The following OXR1 variants were observed in gnomAD, a reference collection of about 807,000 sequenced individuals.
OXR1 encodes the protein oxidation resistance protein 1.
A neutral mutation model predicts 104.6 loss-of-function variants in OXR1; 41 were observed. The ratio of observed to expected loss-of-function variants is 0.39; its 90% CI spans 0.31 to 0.51. The LOEUF (loss-of-function observed/expected upper bound fraction) is 0.51. Among genes scored for constraint, OXR1 ranks in the 20% least tolerant of loss-of-function variants. The pLI is 0.77. For missense variants in OXR1, 955 were observed against 1,031.9 expected (o/e 0.93, Z 1.02); for synonymous variants, 348 against 348.4 (o/e 1.00, Z 0.01).
chr8:106,591,869 C>T (rs1819120549), intron 3 of OXR1, among the ~76,000 whole-genome samples: 3 of 152,198 alleles, frequency 2.0e-5, no homozygotes, highest in Admixed American at 2.0e-4. Flanking sequence ...GATGTAATAA[C>T]TTGATGGGAA....
At chr8:106,315,185 T>G (rs956833587) in intron 1 of OXR1, among the ~76,000 whole-genome samples, 3 of 152,244 alleles carry the variant, frequency 2.0e-5, no homozygotes, top group African/African-American at 7.2e-5. Flanking sequence ...TTTGTTTGTT[T>G]GTTTTTGTTT....
chr8:106,504,698 T>C (rs1812041119), intron 2 of OXR1, among the ~76,000 whole-genome samples: 1 of 152,130 alleles, frequency 6.6e-6, no homozygotes, highest in African/African-American at 2.4e-5. Flanking sequence ...CTTTTTGTTA[T>C]CATCAGATTT....
intron 1 of OXR1, among the ~76,000 whole-genome samples, chr8:106,288,701 ATT>A (rs1812613407): frequency 8.1e-6 from 1 of 123,154 alleles, no homozygotes; most frequent in Non-Finnish European, 1.7e-5. Flanking sequence ...AAATTTATAT[ATT>A]TATATATTAT....
chr8:106,347,646 A>G (rs1430795312), intron 1 of OXR1, among the ~76,000 whole-genome samples: 1 of 152,206 alleles, frequency 6.6e-6, no homozygotes, highest in Non-Finnish European at 1.5e-5. Flanking sequence ...TAAAAGCCAG[A>G]TCAAATAAGT....
chr8:106,469,222 T>A (rs1821354154), intron 2 of OXR1, among the ~76,000 whole-genome samples: 1 of 151,826 alleles, frequency 6.6e-6, no homozygotes, highest in Non-Finnish European at 1.5e-5. Context: ...TTCTTGCCTA[T>A]AGACTTTCTC....
intron 2 of OXR1, among the ~76,000 whole-genome samples, chr8:106,493,845 G>C (rs1811254576): frequency 6.6e-6 from 1 of 152,172 alleles, no homozygotes; most frequent in Admixed American, 6.6e-5. Context: ...AAATAGCTCT[G>C]TGAAGCAGTG....
At chr8:106,466,305 T>G (rs1821166403) in intron 2 of OXR1, among the ~76,000 whole-genome samples, 1 of 151,934 alleles carries the variant, frequency 6.6e-6, no homozygotes, top group Non-Finnish European at 1.5e-5. Flanking sequence ...AAGGAAATAT[T>G]AATATTATTG....
intron 2 of OXR1, among the ~76,000 whole-genome samples, chr8:106,487,678 T>G (rs1055954952): frequency 1.3e-5 from 2 of 148,914 alleles, no homozygotes; most frequent in Admixed American, 1.4e-4. Flanking sequence ...CGGTGTTTGG[T>G]TTTTTGTTCT....
At chr8:106,347,208 A>G (rs562425925) in intron 1 of OXR1, among the ~76,000 whole-genome samples, 20 of 152,354 alleles carry the variant, frequency 1.3e-4, no homozygotes, top group African/African-American at 4.3e-4. Context: ...ATCACGTTGT[A>G]TATTTTCCAA....
chr8:106,614,597 AGATT>A (rs1462012125), intron 3 of OXR1, among the ~76,000 whole-genome samples: 1 of 152,202 alleles, frequency 6.6e-6, no homozygotes, highest in African/African-American at 2.4e-5. Flanking sequence ...CACAATTATA[AGATT>A]GATTTCGTTT....
intron 11 of OXR1, among the ~76,000 whole-genome samples, chr8:106,715,745 T>C (rs1832180118): frequency 6.6e-6 from 1 of 152,134 alleles, no homozygotes; most frequent in Non-Finnish European, 1.5e-5. Context: ...GTTGGAGTAC[T>C]TAACTTTGGA....
At chr8:106,641,217 T>C (rs1480043630) in intron 3 of OXR1, among the ~76,000 whole-genome samples, 4 of 152,224 alleles carry the variant, frequency 2.6e-5, no homozygotes, top group Admixed American at 6.5e-5. Flanking sequence ...TCTGTGCCAA[T>C]TGAAGCTAAG....
chr8:106,595,247 T>C (rs1275370407), intron 3 of OXR1, among the ~76,000 whole-genome samples: 2 of 152,154 alleles, frequency 1.3e-5, no homozygotes, highest in South Asian at 2.1e-4. Context: ...AGAAGTATCA[T>C]TTCTCCTTAA....
chr8:106,324,507 A>T (rs978701823), intron 1 of OXR1, among the ~76,000 whole-genome samples: 1 of 151,552 alleles, frequency 6.6e-6, no homozygotes, highest in African/African-American at 2.4e-5. Flanking sequence ...CCCAAACCTA[A>T]AATATTTTTT....
chr8:106,719,727 A>G (rs1212594332), intron 11 of OXR1, among the ~76,000 whole-genome samples: 1 of 152,188 alleles, frequency 6.6e-6, no homozygotes, highest in Non-Finnish European at 1.5e-5. Flanking sequence ...TACCACTTGA[A>G]TGATTGATAG....
chr8:106,481,366 G>T (rs559435505), intron 2 of OXR1, among the ~76,000 whole-genome samples: 4 of 152,060 alleles, frequency 2.6e-5, no homozygotes, highest in Middle Eastern at 3.4e-3. Context: ...ATAAAGAGAG[G>T]CTGACTCTCA....
At chr8:106,438,979 G>A (rs1819681384) in intron 2 of OXR1, among the ~76,000 whole-genome samples, 1 of 152,108 alleles carries the variant, frequency 6.6e-6, no homozygotes, top group Non-Finnish European at 1.5e-5. Context: ...CATGAAAGGT[G>A]CTTAGAACCT....
intron 2 of OXR1, among the ~76,000 whole-genome samples, chr8:106,448,381 C>A (rs754253397): frequency 2.6e-5 from 4 of 152,024 alleles, no homozygotes; most frequent in Non-Finnish European, 5.9e-5. Flanking sequence ...AGCTCGGCAC[C>A]ACCTATCGTT....
chr8:106,627,504 C>T (rs908391641), intron 3 of OXR1, among the ~76,000 whole-genome samples: 2 of 152,024 alleles, frequency 1.3e-5, no homozygotes, highest in African/African-American at 4.8e-5. Flanking sequence ...TGTTTTACAT[C>T]AATTCTATTA....
Sources: allele counts gnomAD v4.1 joint callset (sites outside exome capture counted in the v4.1 genomes callset), GRCh38; gene constraint gnomAD v4.1.1; transcripts MANE v1.5; gene names NCBI Gene and HGNC (gene_info 2026-07-23, HGNC 2026-07-21).